The following AGMO variants were observed in gnomAD, a reference collection of about 807,000 sequenced individuals.
AGMO encodes alkylglycerol monooxygenase.
AGMO carries 75 observed loss-of-function variants against 60.2 expected under a neutral mutation model. The observed-to-expected ratio is 1.25, with a 90% confidence interval of 1.03 to 1.51. The LOEUF (loss-of-function observed/expected upper bound fraction) is 1.51. Among genes scored for constraint, AGMO ranks in the 40% most tolerant of loss-of-function variants. The pLI, the probability that AGMO is intolerant of heterozygous loss-of-function variation, is 0.00. For missense variants in AGMO, 763 were observed against 525.5 expected (o/e 1.45, Z -4.42); for synonymous variants, 261 against 177.1 (o/e 1.47, Z -3.76).
chr7:15,382,546 A>C (rs1471793063), intron 10 of AGMO, among the ~76,000 whole-genome samples: 7 of 152,190 alleles, frequency 4.6e-5, no homozygotes, highest in Non-Finnish European at 8.8e-5. Context: ...ATAAAATGAA[A>C]TAAAATTAAC....
At chr7:15,560,460 A>G (rs1370909848) in intron 1 of AGMO, among the ~76,000 whole-genome samples, 189 bp from the exon 2 acceptor site, 1 of 152,176 alleles carries the variant, frequency 6.6e-6, no homozygotes, top group African/African-American at 2.4e-5. Context: ...GACATACACT[A>G]AACATGTGCT....
At chr7:15,164,546 C>G in the AGMO span, among the ~76,000 whole-genome samples, 1 of 151,812 alleles carries the variant, frequency 6.6e-6, no homozygotes, top group African/African-American at 2.4e-5. Flanking sequence ...CAAAAACACC[C>G]CATTAAAAGG....
At chr7:15,286,556 T>C (rs951691251) in intron 12 of AGMO, among the ~76,000 whole-genome samples, 12 of 152,042 alleles carry the variant, frequency 7.9e-5, no homozygotes. Flanking sequence ...TGGTCATTAT[T>C]ATAAAGTCAA....
intron 3 of AGMO, among the ~76,000 whole-genome samples, chr7:15,490,744 T>C (rs1475967669): frequency 1.3e-5 from 2 of 152,004 alleles, no homozygotes; most frequent in African/African-American, 4.8e-5. Context: ...AAAATTGATA[T>C]AAGAAAATAA....
chr7:15,517,314 GGT>G (rs369815817), intron 3 of AGMO, among the ~76,000 whole-genome samples: 25 of 148,252 alleles, frequency 1.7e-4, no homozygotes, highest in African/African-American at 3.7e-4. Flanking sequence ...TCTAGTGTGG[GGT>G]GTGTGTGTGT....
intron 12 of AGMO, among the ~76,000 whole-genome samples, chr7:15,231,443 C>A (rs767966230): frequency 1.5e-4 from 23 of 152,192 alleles, no homozygotes; most frequent in Non-Finnish European, 2.8e-4. Context: ...TGGCATCCCT[C>A]ATATCATGAG....
intron 3 of AGMO, among the ~76,000 whole-genome samples, chr7:15,463,297 A>G (rs766589570): frequency 6.6e-6 from 1 of 152,144 alleles, no homozygotes; most frequent in Non-Finnish European, 1.5e-5. Context: ...GAAGCAGTGA[A>G]AACATTACAG....
intron 3 of AGMO, among the ~76,000 whole-genome samples, chr7:15,481,815 A>G (rs1011290091): frequency 9.2e-5 from 11 of 119,488 alleles, no homozygotes; most frequent in African/African-American, 3.8e-4. Flanking sequence ...TTTTTTTGCT[A>G]AATCAGGTTA....
At chr7:15,308,687 G>A (rs1583390127) in intron 12 of AGMO, among the ~76,000 whole-genome samples, 1 of 152,106 alleles carries the variant, frequency 6.6e-6, no homozygotes, top group Middle Eastern at 3.4e-3. Flanking sequence ...CAAAGCTCTT[G>A]GATTTTCCTG....
chr7:15,492,341 A>G (rs1783088115), intron 3 of AGMO, among the ~76,000 whole-genome samples: 1 of 140,916 alleles, frequency 7.1e-6, no homozygotes, highest in Admixed American at 7.5e-5. Flanking sequence ...CTTGCAAGTC[A>G]TTTTGAGGCC....
chr7:15,191,988 C>T, the AGMO span, among the ~76,000 whole-genome samples: 33 of 151,902 alleles, frequency 2.2e-4, no homozygotes, highest in African/African-American at 7.7e-4. Flanking sequence ...CACACACACA[C>T]ACACACACAC....
At chr7:15,450,895 T>C (rs1218709468) in intron 3 of AGMO, among the ~76,000 whole-genome samples, 1 of 152,128 alleles carries the variant, frequency 6.6e-6, no homozygotes, top group Non-Finnish European at 1.5e-5. Flanking sequence ...TTAAATAATT[T>C]TAGGCAATAC....
intron 12 of AGMO, among the ~76,000 whole-genome samples, chr7:15,260,304 G>C (rs987793001): frequency 2.0e-5 from 3 of 151,452 alleles, no homozygotes; most frequent in Non-Finnish European, 2.9e-5. Context: ...ATAAACTTAA[G>C]AGAAAGGGGT....
At position 15,464,295 on chromosome 7, in the gene AGMO, G is replaced by T. The variant is rs891731738; in HGVS notation, c.410-33187C>A. 2.0e-5 allele frequency among the ~76,000 whole-genome samples: 3 copies of T among 152,238 alleles called. No individual in the cohort carries two copies. In the East Asian group the frequency reaches 5.8e-4, roughly 29 times the overall value. On this transcript the variant is annotated intron_variant, in intron 3 of 12. Transcript: ENST00000342526. Reference sequence around the variant, plus strand: ...CTTAGCTAGAGCTATTTGGTCATTTGCCATAAATAAACTAGATGCTTGGCT... The same window carrying T: ...CTTAGCTAGAGCTATTTGGTCATTTTCCATAAATAAACTAGATGCTTGGCT...
chr7:15,369,151 A>G (rs1156724700), intron 10 of AGMO, among the ~76,000 whole-genome samples: 1 of 152,050 alleles, frequency 6.6e-6, no homozygotes, highest in Non-Finnish European at 1.5e-5. Flanking sequence ...ATGTGTTACA[A>G]ACAGCACAAT....
At chr7:15,161,313 T>C in the AGMO span, among the ~76,000 whole-genome samples, 8 of 152,038 alleles carry the variant, frequency 5.3e-5, no homozygotes, top group South Asian at 1.5e-3. Context: ...AGACAAATGT[T>C]CCCCAAGAAA....
intron 12 of AGMO, among the ~76,000 whole-genome samples, chr7:15,292,443 C>T (rs1234195552): frequency 6.6e-6 from 1 of 152,012 alleles, no homozygotes; most frequent in African/African-American, 2.4e-5. Context: ...AAGATTGGTT[C>T]CAGAGATTCT....
chr7:15,199,224 C>T (rs150744258), downstream of AGMO, among the ~76,000 whole-genome samples: 20 of 152,226 alleles, frequency 1.3e-4, no homozygotes, highest in Non-Finnish European at 2.6e-4. Context: ...GGTAACCACT[C>T]CCACTTTCAT....
intron 5 of AGMO, among the ~76,000 whole-genome samples, chr7:15,410,511 G>C (rs755897208): frequency 4.0e-5 from 6 of 151,630 alleles, no homozygotes; most frequent in Non-Finnish European, 8.8e-5. Context: ...TCTTAAATTT[G>C]ATTGCATTTA....
Sources: gnomAD v4.1 joint callset for allele counts (sites outside exome capture counted in the v4.1 genomes callset) on GRCh38, gnomAD v4.1.1 for gene constraint, MANE v1.5 for transcripts, NCBI Gene and HGNC (gene_info 2026-07-23, HGNC 2026-07-21) for gene names.